Variants in CEP83 observed in about 807,000 individuals in gnomAD.
CEP83 encodes centrosomal protein 83.
CEP83 carries 70 observed loss-of-function variants against 101.9 expected under a neutral mutation model. The observed-to-expected ratio is 0.69, with a 90% confidence interval of 0.57 to 0.84. CEP83 has a LOEUF of 0.84. CEP83 is among the 40% of genes least tolerant of loss of function. The probability of loss-of-function intolerance (pLI) is 0.00; values close to 1 mark genes in which losing one functional copy is unlikely to be tolerated. For synonymous variants in CEP83, 264 were observed against 267.9 expected (o/e 0.99, Z 0.14); for missense variants, 715 against 787.2 (o/e 0.91, Z 1.10).
At chr12:94,406,923 T>A in intron 4 of CEP83, among the ~76,000 whole-genome samples, 4 of 143,780 alleles carry the variant, frequency 2.8e-5, no homozygotes, top group Admixed American at 6.9e-5. Flanking sequence ...AGAGACTCTG[T>A]CTCAAAACAA....
chr12:94,298,555 T>C, the CEP83 span: 1 of 1,156,830 alleles, frequency 8.6e-7, no homozygotes, highest in East Asian at 2.4e-5. Context: ...TGAATGTGGA[T>C]TTGCTTTTGC....
chr12:94,331,918 C>T, intron 13 of CEP83, 89 bp from the exon 14 acceptor site: 2 of 1,180,746 alleles, frequency 1.7e-6, no homozygotes. Flanking sequence ...AACTCACTAC[C>T]TGTCTGACCA....
rs369901365 is a variant in CEP83 at position 94,400,949 on chromosome 12, C to T, written c.450G>A (p.Lys150=). 2.0e-6 allele frequency: 3 copies of T among 1,502,692 alleles called. No individual in the cohort carries two copies. The highest frequency in any genetic ancestry group is 2.8e-5 in the African/African-American group (2 of 70,940). 93.1% of individuals were successfully genotyped at this position (1,502,692 alleles called of 1,614,324 possible). A position where few individuals can be genotyped will look rare whatever the true frequency, so the allele number is the denominator to read the frequency against. ...TGAGAAATGTATGTTCATAGCGAAGCTTATTATATACAGCTCTATACTTTT... is the reference window on the plus strand; with the variant it reads ...TGAGAAATGTATGTTCATAGCGAAGTTTATTATATACAGCTCTATACTTTT... The part of the protein sequence containing the change: ...EVEKYRAVYN[K]LRYEHTFLKS... The change falls in exon 6 of 17, where the codon AAG becomes AAA. Residue 150 remains lysine (K), a synonymous_variant. Transcript: ENST00000397809.
Position 94,438,127 on chromosome 12 carries a change from G to A in CEP83, c.-154-2800C>T, listed in dbSNP as rs370240225. ...CCAGCTACTCGGGAGGCAGAGGCAC[G>A]AGAATCGCTTGAACCCAGGGAGCAG... is the stretch of plus-strand genomic sequence containing the variant. On this transcript the variant is annotated intron_variant, in intron 1 of 16. Coordinates refer to ENST00000397809, the MANE Select transcript of CEP83 (RefSeq NM_016122.3). Among the ~76,000 whole-genome samples, 16 of 151,980 alleles carry A rather than the reference G, an allele frequency of 1.1e-4. 1 individual carries two copies. The highest frequency in any genetic ancestry group is 6.3e-4 in the South Asian group (3 of 4,798).
intron 11 of CEP83, among the ~76,000 whole-genome samples, chr12:94,336,483 C>T (rs1355618709): frequency 6.6e-6 from 1 of 152,228 alleles, no homozygotes; most frequent in Non-Finnish European, 1.5e-5. Flanking sequence ...ATCTAGACAA[C>T]ACTCTCAAGA....
chr12:94,267,217 G>A, the CEP83 span, among the ~76,000 whole-genome samples: 5 of 152,182 alleles, frequency 3.3e-5, no homozygotes, highest in Non-Finnish European at 5.9e-5. Flanking sequence ...AGACAACACC[G>A]GACCCAAACA....
chr12:94,416,570 AC>A (rs1270107267), intron 2 of CEP83, among the ~76,000 whole-genome samples: 9 of 110,354 alleles, frequency 8.2e-5, no homozygotes, highest in African/African-American at 2.8e-4. Flanking sequence ...ACACACACAC[AC>A]ACAAAAAAAA....
intron 4 of CEP83, among the ~76,000 whole-genome samples, chr12:94,409,675 T>C (rs966523252): frequency 1.1e-4 from 16 of 152,308 alleles, no homozygotes; most frequent in African/African-American, 3.8e-4. Flanking sequence ...GTTTGTTCTT[T>C]CACAGTTTTG....
the CEP83 span, chr12:94,282,042 G>A: frequency 1.0e-5 from 4 of 394,730 alleles, no homozygotes; most frequent in Admixed American, 1.2e-4. Context: ...GTCCCTCATA[G>A]AATGCATTAT....
At chr12:94,384,388 G>C (rs2062017349) in intron 6 of CEP83, among the ~76,000 whole-genome samples, 2 of 151,992 alleles carry the variant, frequency 1.3e-5, no homozygotes, top group Admixed American at 1.3e-4. Flanking sequence ...TTTTAAACCT[G>C]ACTATGGTAT....
At chr12:94,340,593 C>A (rs1292657897) in intron 11 of CEP83, among the ~76,000 whole-genome samples, 1 of 152,146 alleles carries the variant, frequency 6.6e-6, no homozygotes, top group African/African-American at 2.4e-5. Flanking sequence ...GCTGCCACCA[C>A]ACCCCACTAA....
At chr12:94,296,143 C>G in the CEP83 span, among the ~76,000 whole-genome samples, 1 of 152,122 alleles carries the variant, frequency 6.6e-6, no homozygotes, top group East Asian at 1.9e-4. Context: ...TTTCCATTAG[C>G]ATTTCAAGAT....
chr12:94,364,421 T>C (rs2060922414), intron 11 of CEP83, among the ~76,000 whole-genome samples: 2 of 152,132 alleles, frequency 1.3e-5, no homozygotes, highest in South Asian at 4.1e-4. Context: ...AGAGAAAAAC[T>C]ATAAGGACTG....
At chr12:94,343,627 C>T (rs1343427284) in intron 11 of CEP83, among the ~76,000 whole-genome samples, 1 of 150,082 alleles carries the variant, frequency 6.7e-6, no homozygotes, top group African/African-American at 2.5e-5. Context: ...GTAGCTGGGA[C>T]TACAGGCGCC....
At chr12:94,458,320 T>TC (rs2067851157) in intron 1 of CEP83, among the ~76,000 whole-genome samples, 2 of 152,194 alleles carry the variant, frequency 1.3e-5, no homozygotes, top group Admixed American at 1.3e-4. Flanking sequence ...TCCGCGCACT[T>TC]CATCTGATCT....
intron 2 of CEP83, among the ~76,000 whole-genome samples, chr12:94,433,587 G>A (rs1374552521): frequency 6.6e-6 from 1 of 151,786 alleles, no homozygotes; most frequent in African/African-American, 2.4e-5. Context: ...TGGCTGAGGT[G>A]GGAAGATCGC....
intron 2 of CEP83, among the ~76,000 whole-genome samples, chr12:94,429,242 G>A (rs986621846): frequency 5.3e-5 from 8 of 152,198 alleles, no homozygotes; most frequent in African/African-American, 1.9e-4. Flanking sequence ...AGAATTCCCA[G>A]TCAGGGGAAA....
intron 11 of CEP83, among the ~76,000 whole-genome samples, chr12:94,354,957 G>C (rs1020794110): frequency 6.6e-6 from 1 of 151,972 alleles, no homozygotes; most frequent in Non-Finnish European, 1.5e-5. Flanking sequence ...AGCTGAGATC[G>C]TGCCACTGCA....
chr12:94,301,088 C>T, the CEP83 span: 1 of 1,603,806 alleles, frequency 6.2e-7, no homozygotes, highest in South Asian at 1.1e-5. Flanking sequence ...TTCTTGTATG[C>T]AGTCTTATGA....
Sources: gnomAD v4.1 joint callset for allele counts (sites outside exome capture counted in the v4.1 genomes callset) on GRCh38, gnomAD v4.1.1 for gene constraint, MANE v1.5 for transcripts, NCBI Gene and HGNC (gene_info 2026-07-23, HGNC 2026-07-21) for gene names.